The following CMC1 variants were observed in gnomAD, a reference collection of about 807,000 sequenced individuals.
CMC1 encodes the protein COX assembly mitochondrial protein homolog.
CMC1 carries 14 observed loss-of-function variants against 14.1 expected under a neutral mutation model. That is an observed-to-expected ratio of 0.99 (90% CI 0.66 to 1.55). CMC1 has a LOEUF of 1.55. Ranked by LOEUF, CMC1 falls within the 40% of genes most tolerant of loss-of-function variation. CMC1 has a pLI of 0.00. For synonymous variants in CMC1, 50 were observed against 38.4 expected (o/e 1.30, Z -1.12); for missense variants, 127 against 123.8 (o/e 1.03, Z -0.12).
chr3:28,311,718 C>T (rs1702648678), intron 2 of CMC1, among the ~76,000 whole-genome samples: 1 of 152,132 alleles, frequency 6.6e-6, no homozygotes, highest in South Asian at 2.1e-4. Context: ...TACAGAAGTC[C>T]TCACATAAAA....
At chr3:28,269,061 AGTT>A (rs1212721977) in intron 2 of CMC1, among the ~76,000 whole-genome samples, 4 of 152,308 alleles carry the variant, frequency 2.6e-5, no homozygotes, top group Non-Finnish European at 4.4e-5. Flanking sequence ...CTATTTTATT[AGTT>A]GTTGTTAATC....
intron 2 of CMC1, among the ~76,000 whole-genome samples, chr3:28,283,334 C>A (rs564393545): frequency 6.6e-6 from 1 of 151,092 alleles, no homozygotes; most frequent in Non-Finnish European, 1.5e-5. Context: ...GCCAACATGG[C>A]GAAACCCCAT....
intron 2 of CMC1, among the ~76,000 whole-genome samples, chr3:28,267,388 C>CT: frequency 2.6e-5 from 4 of 152,224 alleles, no homozygotes; most frequent in Admixed American, 2.6e-4. Flanking sequence ...AGCCCTTTCT[C>CT]TTTTTTCCTT....
At chr3:28,256,088 G>T (rs1049259130) in intron 1 of CMC1, among the ~76,000 whole-genome samples, 1 of 151,884 alleles carries the variant, frequency 6.6e-6, no homozygotes, top group African/African-American at 2.4e-5. Context: ...AGCCCTGATA[G>T]GTTGTGTATT....
chr3:28,275,914 G>A (rs867314148), intron 2 of CMC1, among the ~76,000 whole-genome samples: 1 of 152,162 alleles, frequency 6.6e-6, no homozygotes, highest in African/African-American at 2.4e-5. Context: ...CAGCCACTGG[G>A]CTCTGCTGTG....
At chr3:28,287,419 C>T (rs1000311757) in intron 2 of CMC1, among the ~76,000 whole-genome samples, 5 of 152,144 alleles carry the variant, frequency 3.3e-5, no homozygotes, top group Non-Finnish European at 7.4e-5. Flanking sequence ...AAGTGCTCTA[C>T]TTTGTAATTG....
At position 28,302,225 on chromosome 3, in the gene CMC1, G is replaced by A. The variant is rs143460908; in HGVS notation, c.110-14108G>A. 6.2e-4 allele frequency among the ~76,000 whole-genome samples: 95 copies of A among 152,272 alleles called. 2 individuals are homozygous for A. Among genetic ancestry groups the A allele is most frequent in the African/African-American group, 2.0e-3 (85 of 41,550 alleles). On this transcript the variant is annotated intron_variant, in intron 2 of 3. Coordinates refer to ENST00000466830, the MANE Select transcript of CMC1 (RefSeq NM_182523.2). ...TTATTACTTGTGTCACTAAAAACAC[G>A]GATCCTACTTTCGTTTCTCCATTGT... is the stretch of plus-strand genomic sequence containing the variant.
intron 2 of CMC1, among the ~76,000 whole-genome samples, chr3:28,281,540 T>A (rs1304224342): frequency 6.6e-6 from 1 of 152,172 alleles, no homozygotes; most frequent in Non-Finnish European, 1.5e-5. Context: ...CTGTTAAATA[T>A]TATTGGTTGC....
chr3:28,296,921 G>T (rs1029116347), intron 2 of CMC1, among the ~76,000 whole-genome samples: 1 of 152,002 alleles, frequency 6.6e-6, no homozygotes, highest in Non-Finnish European at 1.5e-5. Flanking sequence ...CTTGAATTTT[G>T]TGCTGCCTTT....
At chr3:28,247,259 G>C (rs1698873474) in intron 1 of CMC1, among the ~76,000 whole-genome samples, 1 of 152,030 alleles carries the variant, frequency 6.6e-6, no homozygotes, top group South Asian at 2.1e-4. Flanking sequence ...TAGAGAGTAA[G>C]AGCTGGTCAC....
At chr3:28,304,666 T>C (rs190019208) in intron 2 of CMC1, among the ~76,000 whole-genome samples, 4 of 152,312 alleles carry the variant, frequency 2.6e-5, no homozygotes, top group Admixed American at 2.0e-4. Flanking sequence ...GGATACATTT[T>C]GTTAGTTTTT....
chr3:28,242,725 T>C (rs1698596841), intron 1 of CMC1, among the ~76,000 whole-genome samples: 1 of 152,116 alleles, frequency 6.6e-6, no homozygotes, highest in Non-Finnish European at 1.5e-5. Flanking sequence ...CGAAGAGAAG[T>C]TAAGTGACTA....
chr3:28,282,791 A>C (rs919325726), intron 2 of CMC1, among the ~76,000 whole-genome samples: 1 of 152,180 alleles, frequency 6.6e-6, no homozygotes, highest in Non-Finnish European at 1.5e-5. Context: ...TTGATTCTTC[A>C]TCATAACCTT....
chr3:28,306,236 A>G (rs1702298394), intron 2 of CMC1, among the ~76,000 whole-genome samples: 2 of 152,196 alleles, frequency 1.3e-5, no homozygotes, highest in South Asian at 2.1e-4. Flanking sequence ...GACATTGGTA[A>G]TTTGATAGGA....
At position 28,323,102 on chromosome 3, in the gene CMC1, CTT is replaced by C. The variant is rs968360314; in HGVS notation, c.*3475_*3476del. On this transcript the variant is annotated 3_prime_UTR_variant, in exon 4 of 4. Coordinates refer to ENST00000466830, the MANE Select transcript of CMC1 (RefSeq NM_182523.2). ...GATTAAAAATAATAATTTTAAATCA[CTT>C]TCTCAATAAATAGAATATTACATTT... The C allele has an allele frequency of 2.0e-5, 3 of 151,098 alleles. No homozygotes were observed. The highest frequency in any genetic ancestry group is 4.5e-5 in the Non-Finnish European group (3 of 67,382). The allele number at this position is 151,098 out of a possible 1,614,324, so 9.4% of individuals were successfully genotyped here.
intron 2 of CMC1, among the ~76,000 whole-genome samples, chr3:28,288,282 C>A (rs1045776317): frequency 5.3e-5 from 8 of 152,016 alleles, no homozygotes; most frequent in Non-Finnish European, 8.8e-5. Context: ...TTACCTTTAT[C>A]ATAAAGAGTA....
At chr3:28,286,843 G>C (rs552034084) in intron 2 of CMC1, among the ~76,000 whole-genome samples, 5 of 152,200 alleles carry the variant, frequency 3.3e-5, no homozygotes, top group African/African-American at 9.6e-5. Context: ...AGATCTTGGG[G>C]GAAGGGTAGA....
At chr3:28,262,032 A>G (rs954014515) in intron 1 of CMC1, among the ~76,000 whole-genome samples, 3 of 152,180 alleles carry the variant, frequency 2.0e-5, no homozygotes, top group African/African-American at 7.2e-5. Flanking sequence ...TATATATCTG[A>G]ATGTCCTTAA....
At chr3:28,316,675 T>C (rs992069520) in intron 3 of CMC1, 3 of 272,670 alleles carry the variant, frequency 1.1e-5, no homozygotes, top group Non-Finnish European at 1.4e-5. Context: ...TTTTTCACTA[T>C]TTAATAAATC....
Sources: gnomAD v4.1 joint callset for allele counts (sites outside exome capture counted in the v4.1 genomes callset) on GRCh38, gnomAD v4.1.1 for gene constraint, MANE v1.5 for transcripts, NCBI Gene and HGNC (gene_info 2026-07-23, HGNC 2026-07-21) for gene names.